Variants in MAN2C1 observed in about 807,000 individuals in gnomAD.
MAN2C1 encodes the protein alpha-mannosidase 2C1.
A neutral mutation model predicts 126.9 loss-of-function variants in MAN2C1; 111 were observed. The observed-to-expected ratio is 0.87, with a 90% confidence interval of 0.75 to 1.02. The LOEUF (loss-of-function observed/expected upper bound fraction) is 1.02, where lower values mean the gene tolerates loss of function less well. Ranked by LOEUF, MAN2C1 falls within the 50% of genes least tolerant of loss-of-function variation. The pLI is 0.00. For synonymous variants in MAN2C1, 567 were observed against 561.5 expected (o/e 1.01, Z -0.14); for missense variants, 1,363 against 1,364.4 (o/e 1.00, Z 0.02).
intron 4 of MAN2C1, among the ~76,000 whole-genome samples, chr15:75,365,158 T>C (rs1193695702): frequency 6.6e-6 from 1 of 152,202 alleles, no homozygotes; most frequent in African/African-American, 2.4e-5. Flanking sequence ...TCCACTTCGC[T>C]GCTAAGTCTA....
rs778461649 is a variant in MAN2C1 at position 75,356,034 on chromosome 15, T to A, written c.2997-2A>T. 6.2e-7 allele frequency: 1 copy of A among 1,613,732 alleles called. No homozygotes were observed. Among genetic ancestry groups the A allele is most frequent in the Non-Finnish European group, 8.5e-7 (1 of 1,179,888 alleles). The stretch of plus-strand genomic sequence containing the variant: ...TCTGGTCGCTCCAAGAGATCGCAGC[T>A]GGAGAACAGGAGGGGCCATGAAGGC... On this transcript the variant is annotated splice_acceptor_variant, in intron 25 of 25. Coordinates refer to ENST00000267978, the MANE Select transcript of MAN2C1 (RefSeq NM_006715.4). LOFTEE classifies it high-confidence loss of function. The surrounding 1 kb of genome is among the most constrained non-coding windows in gnomAD (Gnocchi z 5.8).
intron 21 of MAN2C1, chr15:75,357,481 G>A (rs2072354176): frequency 1.9e-5 from 3 of 155,224 alleles, no homozygotes; most frequent in Non-Finnish European, 4.3e-5. Flanking sequence ...TAATTTTTCT[G>A]TATTTTTAGT....
intron 4 of MAN2C1, chr15:75,365,809 G>A (rs1007004181): frequency 4.2e-5 from 12 of 283,452 alleles, no homozygotes; most frequent in African/African-American, 2.6e-4. Flanking sequence ...ACTGGGCCAG[G>A]TGCGGTGGCT....
chr15:75,359,656 T>C lies in MAN2C1; in HGVS notation c.1912A>G (p.Met638Val). 1 of 1,614,144 alleles carries C rather than the reference T, an allele frequency of 6.2e-7. No individual in the cohort carries two copies. The highest frequency in any genetic ancestry group is 8.5e-7 in the Non-Finnish European group (1 of 1,180,036). Residue 638 changes from methionine (M) to valine (V), a missense_variant, in exon 16 of 26, where the codon ATG (methionine) becomes GTG (valine). Around this residue, in one of 3 missense-constraint regions of MAN2C1, gnomAD observed 668 missense variants for 650.1 expected, o/e 1.03. Transcript: ENST00000267978. ...NTLPWKRIEV[M>V]ALPKPGGAHS... ...GCCCCGCCCGGTTTGGGCAGGGCCA[T>C]CACTTCGATCCGCTTCCAGGGCAGT...
In MAN2C1 at chr15:75,366,739, A is replaced by AC. The variant is rs1249499961; in HGVS notation, c.352-148dup. 5.3e-6 allele frequency: 3 copies of AC among 570,012 alleles called. No individual in the cohort carries two copies. In the Admixed American group the frequency reaches 1.0e-4, roughly 19 times the overall value. 35.3% of individuals were successfully genotyped at this position (570,012 alleles called of 1,614,324 possible). A position where few individuals can be genotyped will look rare whatever the true frequency, so the allele number is the denominator to read the frequency against. ...CAGGGCCAAGATTGGCAAATCAGGG[A>AC]CCCTTGGCAGTAGATGCCCCAACTC... On this transcript the variant is annotated intron_variant, in intron 3 of 25. Transcript: ENST00000267978.
At chr15:75,359,252 CAG>C (rs1491174582) in intron 17 of MAN2C1, 74 bp downstream of exon 17, 5 of 1,583,914 alleles carry the variant, frequency 3.2e-6, no homozygotes, top group East Asian at 4.5e-5. Context: ...TTGCTCCAGA[CAG>C]GGGAGCTCAG....
In MAN2C1 at chr15:75,356,668, G is replaced by A. The variant is rs147299303; in HGVS notation, c.2675C>T (p.Ala892Val). 5 of 1,587,484 alleles carry A rather than the reference G, an allele frequency of 3.1e-6. No individual in the cohort carries two copies. Among genetic ancestry groups the A allele is most frequent in the Non-Finnish European group, 4.3e-6 (5 of 1,167,446 alleles). Residue 892 changes from alanine to valine, a missense_variant, in exon 23 of 26, where the codon GCC becomes GTC. By Grantham distance (64) the Ala-to-Val change is moderately conservative. Coordinates refer to ENST00000267978, the MANE Select transcript of MAN2C1 (RefSeq NM_006715.4). This position sits in a 1 kb window ranked among gnomAD's most constrained non-coding sequence, Gnocchi z 5.8. ...CCCCGTGTCAGCAGTAGCGTCCGGGGCTTTAGGCGCCCGCAAGCTGGGGTG... is the reference window on the plus strand; with the variant it reads ...CCCCGTGTCAGCAGTAGCGTCCGGGACTTTAGGCGCCCGCAAGCTGGGGTG... ...LSLSLLRAPK[A>V]PDATADTGRH...
chr15:75,356,320 AC>A lies in MAN2C1; in HGVS notation c.2866del (p.Val956TyrfsTer19). The A allele has an allele frequency of 6.2e-7, 1 of 1,611,366 alleles. No individual in the cohort carries two copies. ...CCTTGCCTGCTTGACGGTCTCCAAT[AC>A]GACCGCGGGTGAAGACACGGAAAAC... Reference protein sequence around the residue: ...SAFSVSSPAVVLETVKQAESS... With the variant: ...SAFSVSSPAVXLETVKQAESS... On this transcript the variant is annotated frameshift_variant, in exon 24 of 26. Coordinates refer to ENST00000267978, the MANE Select transcript of MAN2C1 (RefSeq NM_006715.4). LOFTEE classifies it high-confidence loss of function. This position sits in a 1 kb window ranked among gnomAD's most constrained non-coding sequence, Gnocchi z 5.8.
rs1319426037 is a variant in MAN2C1, at chr15:75,361,005, G to A, written c.1460+41C>T. On this transcript the variant is annotated intron_variant, in intron 12 of 25. Coordinates refer to ENST00000267978, the MANE Select transcript of MAN2C1 (RefSeq NM_006715.4). The surrounding 1 kb of genome is among the most constrained non-coding windows in gnomAD (Gnocchi z 5.0). Reference sequence around the variant, plus strand: ...AGGGAAGGCAGGGCTCATGGCAAGGGCCCAGGGTGGGGCTAAAGGAGAGCC... The same window carrying A: ...AGGGAAGGCAGGGCTCATGGCAAGGACCCAGGGTGGGGCTAAAGGAGAGCC... The A allele has an allele frequency of 6.3e-7, 1 of 1,584,040 alleles. No homozygotes were observed. The highest frequency in any genetic ancestry group is 2.3e-5 in the East Asian group (1 of 43,638).
Position 75,355,898 on chromosome 15 carries a change from C to G in MAN2C1, c.*8G>C. On this transcript the variant is annotated 3_prime_UTR_variant, in exon 26 of 26. Transcript: ENST00000267978. ...GCCTTCTACAAACAAAACCCCAGCC[C>G]CAGGGACTCAGTGTGGCGGAGGCTG... 1.2e-6 allele frequency: 2 copies of G among 1,614,134 alleles called. No homozygotes were observed. Among genetic ancestry groups the G allele is most frequent in the Non-Finnish European group, 1.7e-6 (2 of 1,180,024 alleles).
chr15:75,357,267 C>T (rs1190643782), intron 21 of MAN2C1: 1 of 193,134 alleles, frequency 5.2e-6, no homozygotes, highest in African/African-American at 2.4e-5. Context: ...GCCTCAGCCT[C>T]CCAAGTAGCT....
intron 4 of MAN2C1, among the ~76,000 whole-genome samples, chr15:75,364,990 A>C (rs1416169781): frequency 6.6e-6 from 1 of 152,202 alleles, no homozygotes; most frequent in Non-Finnish European, 1.5e-5. Context: ...TATTAAAATC[A>C]TGTTCGGATC....
In MAN2C1 at chr15:75,359,432, G is replaced by A; in HGVS notation, c.1949-7C>T. The A allele has an allele frequency of 6.2e-7, 1 of 1,607,240 alleles. No homozygotes were observed. Among genetic ancestry groups the A allele is most frequent in the Non-Finnish European group, 8.5e-7 (1 of 1,176,364 alleles). Reference sequence around the variant, plus strand: ...CTGGGCACTGTCACCAGGGCTGGGGGTGAGGCCTGGGCATCAGTGCAGCCT... The same window carrying A: ...CTGGGCACTGTCACCAGGGCTGGGGATGAGGCCTGGGCATCAGTGCAGCCT... On this transcript the variant is annotated splice_polypyrimidine_tract_variant and splice_region_variant and intron_variant, in intron 16 of 25. Transcript: ENST00000267978.
At position 75,358,479 on chromosome 15, in the gene MAN2C1, C is replaced by T. The variant is rs752962235; in HGVS notation, c.2386G>A (p.Val796Ile). ...CCGACTACCTCGGTGTGGAAGCGGA[C>T]ATAGGGGCAGCCAACGTCCAGCACA... ...EVVLDVGCPY[V>I]RFHTEVHWHE... The change falls in exon 20 of 26, where the codon GTC becomes ATC. Residue 796 changes from valine to isoleucine, a missense_variant. By Grantham distance (29) the Val-to-Ile change is conservative. Around this residue, in one of 3 missense-constraint regions of MAN2C1, gnomAD observed 668 missense variants for 650.1 expected, o/e 1.03. Transcript: ENST00000267978. 3.1e-6 allele frequency: 5 copies of T among 1,613,570 alleles called. No homozygotes were observed. The Admixed American group carries it at 6.7e-5, about 22-fold the overall frequency.
rs1455752584 is a variant in MAN2C1 at position 75,358,497 on chromosome 15, C to G, written c.2368G>C (p.Asp790His). The G allele has an allele frequency of 1.2e-5, 19 of 1,613,408 alleles. No homozygotes were observed. Among genetic ancestry groups the G allele is most frequent in the Admixed American group, 1.7e-5 (1 of 60,014 alleles). Residue 790 changes from aspartate (D) to histidine (H), a missense_variant, in exon 20 of 26, where the codon GAC becomes CAC. Asp to His is a moderately conservative substitution (Grantham distance 81). Around this residue, in one of 3 missense-constraint regions of MAN2C1, gnomAD observed 668 missense variants for 650.1 expected, o/e 1.03. Transcript: ENST00000267978. ...AAGCGGACATAGGGGCAGCCAACGT[C>G]CAGCACAACCTCCTGGCTAAGCCGA... is the stretch of plus-strand genomic sequence containing the variant. ...NSRLSQEVVL[D>H]VGCPYVRFHT...
At position 75,357,063 on chromosome 15, in the gene MAN2C1, A is replaced by G. The variant is rs371244986; in HGVS notation, c.2548-161T>C. The G allele has an allele frequency of 4.9e-5, 30 of 608,852 alleles. No individual in the cohort carries two copies. The African/African-American group carries it at 5.4e-4, about 11-fold the overall frequency. The allele number at this position is 608,852 out of a possible 1,614,324, so 37.7% of individuals were successfully genotyped here. ...CCTGGGCATGCCACCCAACCTGCCT[A>G]AGCCTCAGTTTCCTTATCTGTGAAA... On this transcript the variant is annotated intron_variant, in intron 21 of 25. Coordinates refer to ENST00000267978, the MANE Select transcript of MAN2C1 (RefSeq NM_006715.4).
At position 75,356,241 on chromosome 15, in the gene MAN2C1, G is replaced by T. The variant is rs2072291627; in HGVS notation, c.2887-22C>A. 3 of 1,612,306 alleles carry T rather than the reference G, an allele frequency of 1.9e-6. No homozygotes were observed. Among genetic ancestry groups the T allele is most frequent in the Non-Finnish European group, 1.7e-6 (2 of 1,179,494 alleles). On this transcript the variant is annotated intron_variant, in intron 24 of 25. Transcript: ENST00000267978. This position sits in a 1 kb window ranked among gnomAD's most constrained non-coding sequence, Gnocchi z 5.8. ...CCGCCTGCAGAGGAACACGTCTGGT[G>T]GGAGGGGCCGAGGGCAGGCCCAGTT...
At chr15:75,359,259 G>T in intron 17 of MAN2C1, 69 bp downstream of exon 17, 8 of 1,587,474 alleles carry the variant, frequency 5.0e-6, no homozygotes, top group Non-Finnish European at 5.2e-6. Context: ...AGACAGGGGA[G>T]CTCAGGACCC....
Position 75,358,733 on chromosome 15 carries a change from C to G in MAN2C1, c.2217G>C (p.Trp739Cys), listed in dbSNP as rs570506380. ...FDDVPLYWDA[W>C]DVMDYHLETR... Reference sequence around the variant, plus strand: ...TCTCCAGGTGGTAGTCCATGACGTCCCATGCATCCCAGTACAAGGGGACAT... The same window carrying G: ...TCTCCAGGTGGTAGTCCATGACGTCGCATGCATCCCAGTACAAGGGGACAT... The change falls in exon 19 of 26, where the codon TGG becomes TGC. Residue 739 changes from tryptophan (W) to cysteine (C), a missense_variant. Physicochemically the swap from Trp to Cys is radical, Grantham distance 215. Coordinates refer to ENST00000267978, the MANE Select transcript of MAN2C1 (RefSeq NM_006715.4). 6.2e-7 allele frequency: 1 copy of G among 1,614,104 alleles called. No individual in the cohort carries two copies. The highest frequency in any genetic ancestry group is 1.3e-5 in the African/African-American group (1 of 75,058).
Sources: gnomAD v4.1 joint callset for allele counts (sites outside exome capture counted in the v4.1 genomes callset) on GRCh38, gnomAD v4.1.1 for gene constraint, gnomAD v4.1.1 regional missense constraint, Gnocchi (gnomAD v3.1) non-coding constraint, MANE v1.5 for transcripts, NCBI Gene and HGNC (gene_info 2026-07-23, HGNC 2026-07-21) for gene names.